The following AKAP3 variants were observed in gnomAD, a reference collection of about 807,000 sequenced individuals.
AKAP3 encodes the protein A-kinase anchoring protein 3.
A neutral mutation model predicts 57.2 loss-of-function variants in AKAP3; 27 were observed. The ratio of observed to expected loss-of-function variants is 0.47; its 90% CI spans 0.35 to 0.65. The LOEUF is 0.65. Among genes scored for constraint, AKAP3 ranks in the 30% least tolerant of loss-of-function variants. AKAP3 has a pLI of 0.01. For missense variants in AKAP3, 959 were observed against 1,040.0 expected, an observed-to-expected ratio of 0.92 and a Z score of 1.07; for synonymous variants, 334 against 392.3, an observed-to-expected ratio of 0.85 and a Z score of 1.76.
intron 2 of AKAP3, among the ~76,000 whole-genome samples, chr12:4,644,304 T>C (rs1328672461): frequency 6.6e-6 from 1 of 152,130 alleles, no homozygotes; most frequent in Non-Finnish European, 1.5e-5. Flanking sequence ...GAAATAACAG[T>C]GAGAAGATAA....
At chr12:4,621,265 G>A (rs1037010491) in intron 5 of AKAP3, among the ~76,000 whole-genome samples, 2 of 151,936 alleles carry the variant, frequency 1.3e-5, no homozygotes, top group Non-Finnish European at 2.9e-5. Context: ...GTTACAGTAA[G>A]CTGCTAATTT....
intron 5 of AKAP3, among the ~76,000 whole-genome samples, chr12:4,618,919 AGATAAAG>A (rs1434746184): frequency 1.3e-5 from 2 of 152,264 alleles, no homozygotes; most frequent in African/African-American, 4.8e-5. Flanking sequence ...AAAATATATC[AGATAAAG>A]GACTTGTATC....
chr12:4,638,075 G>A, intron 4 of AKAP3, 26 bp downstream of exon 4: 1 of 1,533,252 alleles, frequency 6.5e-7, no homozygotes, highest in Non-Finnish European at 9.0e-7. Flanking sequence ...TCTTAACCTA[G>A]TGTTTATCAA....
chr12:4,641,062 CTTTTTTTTTTTTTTT>C (rs374817430), intron 3 of AKAP3, among the ~76,000 whole-genome samples: 1,449 of 68,838 alleles, frequency 0.021, 46 homozygotes, highest in African/African-American at 0.078. Context: ...TTCTAACTTC[CTTTTTTTTTTTTTTT>C]TTTTTTTTTT....
chr12:4,621,758 G>T (rs1945350564), intron 5 of AKAP3, among the ~76,000 whole-genome samples: 1 of 152,036 alleles, frequency 6.6e-6, no homozygotes, highest in Admixed American at 6.6e-5. Flanking sequence ...GAGTGGACTA[G>T]AAAAAAACAT....
chr12:4,624,509 T>C (rs67338449), intron 5 of AKAP3, among the ~76,000 whole-genome samples: 38,559 of 151,908 alleles, frequency 0.25, 5,501 homozygotes, highest in East Asian at 0.4. Context: ...TATGCACACA[T>C]ATTATTTATT....
At chr12:4,643,567 A>C (rs928923438) in intron 2 of AKAP3, among the ~76,000 whole-genome samples, 1 of 152,238 alleles carries the variant, frequency 6.6e-6, no homozygotes, top group Non-Finnish European at 1.5e-5. Flanking sequence ...CAGAAAGGAA[A>C]TACTAGAATC....
Position 4,638,090 on chromosome 12 carries a change from T to C in AKAP3, c.96+11A>G. Reference sequence around the variant, plus strand: ...TCTTAACCTAGTGTTTATCAAGAGGTTGACCCTTACCATTTTCCAGTCCTG... The same window carrying C: ...TCTTAACCTAGTGTTTATCAAGAGGCTGACCCTTACCATTTTCCAGTCCTG... On this transcript the variant is annotated intron_variant, in intron 4 of 5. Transcript: ENST00000228850. 2.5e-6 allele frequency: 4 copies of C among 1,594,130 alleles called. No homozygotes were observed. The highest frequency in any genetic ancestry group is 3.4e-6 in the Non-Finnish European group (4 of 1,161,878).
At chr12:4,644,243 A>G (rs1252334740) in intron 2 of AKAP3, among the ~76,000 whole-genome samples, 1 of 152,158 alleles carries the variant, frequency 6.6e-6, no homozygotes, top group African/African-American at 2.4e-5. Context: ...TTCACCACAT[A>G]GCTATAGATA....
chr12:4,639,095 T>C lies in AKAP3; in HGVS notation c.1-899A>G, dbSNP rs140977855. On this transcript the variant is annotated intron_variant, in intron 3 of 5. Coordinates refer to ENST00000228850, the MANE Select transcript of AKAP3 (RefSeq NM_001278309.2). ...ATTCTCCTTGCAAATGAGTATTATATGTACATACCTATTATATGTACTCCT... is the reference window on the plus strand; with the variant it reads ...ATTCTCCTTGCAAATGAGTATTATACGTACATACCTATTATATGTACTCCT... Among the ~76,000 whole-genome samples the C allele has an allele frequency of 1.3e-3, 201 of 152,362 alleles. 2 individuals carry two copies. The highest frequency in any genetic ancestry group is 4.6e-3 in the African/African-American group (190 of 41,584).
In AKAP3 at chr12:4,627,884, T is replaced by A; in HGVS notation, c.1018A>T (p.Asn340Tyr). 6.2e-7 allele frequency: 1 copy of A among 1,614,172 alleles called. No individual in the cohort carries two copies. ...AGGGTCCCTGTGACGCTGTGGAGAT[T>A]CCTCAAGAAGGAGTCGATGAGATCC... is the stretch of plus-strand genomic sequence containing the variant. ...VSDLIDSFLR[N>Y]LHSVTGTLMT... The change falls in exon 5 of 6, where the codon AAT becomes TAT. Residue 340 changes from asparagine to tyrosine, a missense_variant. Physicochemically the swap from Asn to Tyr is moderately radical, Grantham distance 143. Coordinates refer to ENST00000228850, the MANE Select transcript of AKAP3 (RefSeq NM_001278309.2).
At chr12:4,635,597 G>C (rs1945554742) in intron 4 of AKAP3, 1 of 728,504 alleles carries the variant, frequency 1.4e-6, no homozygotes, top group African/African-American at 1.7e-5. Context: ...CTTGTTTCCT[G>C]ATAAAGCTAT....
In AKAP3 at chr12:4,615,647, G is replaced by A; in HGVS notation, c.*92C>T. ...GAAGATAATGTTAGGGCTCTGTGAG[G>A]ATATAGAGGGGGAGATGTGGAAGTG... On this transcript the variant is annotated 3_prime_UTR_variant, in exon 6 of 6. Transcript: ENST00000228850. The A allele has an allele frequency of 4.8e-6, 7 of 1,448,540 alleles. No individual in the cohort carries two copies. Among genetic ancestry groups the A allele is most frequent in the Non-Finnish European group, 6.6e-6 (7 of 1,056,898 alleles). 89.7% of individuals were successfully genotyped at this position (1,448,540 alleles called of 1,614,324 possible).
chr12:4,635,936 T>C, intron 4 of AKAP3: 2 of 867,804 alleles, frequency 2.3e-6, no homozygotes, highest in Non-Finnish European at 3.8e-6. Context: ...ACACTAGCAG[T>C]TGGTTTTCTT....
intron 5 of AKAP3, among the ~76,000 whole-genome samples, chr12:4,620,601 A>G (rs1945335636): frequency 6.6e-6 from 1 of 152,172 alleles, no homozygotes; most frequent in African/African-American, 2.4e-5. Context: ...TACACTGCAT[A>G]ATGATGTTTC....
At chr12:4,629,182 T>G (rs558894553) in intron 4 of AKAP3, among the ~76,000 whole-genome samples, 1 of 152,230 alleles carries the variant, frequency 6.6e-6, no homozygotes, top group Non-Finnish European at 1.5e-5. Context: ...TCAGCTAGTA[T>G]ACTATGTTGC....
chr12:4,644,688 G>A (rs540287371), intron 2 of AKAP3, among the ~76,000 whole-genome samples: 20 of 152,316 alleles, frequency 1.3e-4, no homozygotes, highest in Non-Finnish European at 2.9e-4. Flanking sequence ...GAAGTGGAGG[G>A]GATCACTTGA....
intron 4 of AKAP3, among the ~76,000 whole-genome samples, chr12:4,637,010 T>C (rs1945575177): frequency 2.0e-5 from 3 of 152,166 alleles, no homozygotes. Flanking sequence ...CCTCCCAAGG[T>C]GTTAGGATTA....
chr12:4,642,928 G>A (rs866307442), intron 2 of AKAP3, among the ~76,000 whole-genome samples: 38 of 152,188 alleles, frequency 2.5e-4, no homozygotes, highest in Middle Eastern at 3.4e-3. Context: ...AAAAACAGAC[G>A]GCTTGCTCAA....
Sources: gnomAD v4.1 joint callset for allele counts (sites outside exome capture counted in the v4.1 genomes callset) on GRCh38, gnomAD v4.1.1 for gene constraint, MANE v1.5 for transcripts, NCBI Gene and HGNC (gene_info 2026-07-23, HGNC 2026-07-21) for gene names.